Variants in KCNA1 observed in about 807,000 individuals in gnomAD.
KCNA1 encodes potassium voltage-gated channel subfamily A member 1.
Under a neutral mutation model 28.8 loss-of-function variants are expected in KCNA1, and 19 were observed. The ratio of observed to expected loss-of-function variants is 0.66; its 90% CI spans 0.46 to 0.97. The LOEUF (loss-of-function observed/expected upper bound fraction) is 0.97. Among genes scored for constraint, KCNA1 ranks in the 50% least tolerant of loss-of-function variants. The pLI is 0.00. For missense variants in KCNA1, 419 were observed against 659.7 expected (o/e 0.64, Z 4.00); for synonymous variants, 311 against 268.8 (o/e 1.16, Z -1.53).
chr12:4,912,614 C>T lies in KCNA1; in HGVS notation c.1236C>T (p.Asn412=). ...LPVPVIVSNF[N]YFYHRETEGE... ...TACCTGTCATTGTGTCCAATTTCAA[C>T]TATTTCTACCACCGAGAAACTGAGG... The change falls in exon 2 of 2, where the codon AAC becomes AAT. Residue 412 remains asparagine, a synonymous_variant. Transcript: ENST00000382545. 6.2e-7 allele frequency: 1 copy of T among 1,610,910 alleles called. No homozygotes were observed. The highest frequency in any genetic ancestry group is 8.5e-7 in the Non-Finnish European group (1 of 1,179,120).
Position 4,911,850 on chromosome 12 carries a change from G to A in KCNA1, c.472G>A (p.Glu158Lys). ...CCAGCGCCAGGTGTGGCTGCTCTTC[G>A]AGTACCCCGAGAGCTCGGGGCCCGC... ...EYQRQVWLLF[E>K]YPESSGPARV... The change falls in exon 2 of 2, where the codon GAG (glutamate) becomes AAG (lysine). Residue 158 changes from glutamate (E) to lysine (K), a missense_variant. Transcript: ENST00000382545. This position sits in a 1 kb window ranked among gnomAD's most constrained non-coding sequence, Gnocchi z 6.6. The A allele has an allele frequency of 6.2e-7, 1 of 1,613,858 alleles. No homozygotes were observed. Among genetic ancestry groups the A allele is most frequent in the Non-Finnish European group, 8.5e-7 (1 of 1,179,932 alleles).
In KCNA1 at chr12:4,913,541, T is replaced by A. The variant is rs1207394708; in HGVS notation, c.*675T>A. On this transcript the variant is annotated 3_prime_UTR_variant, in exon 2 of 2. Coordinates refer to ENST00000382545, the MANE Select transcript of KCNA1 (RefSeq NM_000217.3). ...ATTCTCTTTCTAATCCAGATTATTC[T>A]CTAAGAAAAAGTTAACTGAATTAAA... The A allele has an allele frequency of 6.0e-6, 1 of 167,412 alleles. No homozygotes were observed. The highest frequency in any genetic ancestry group is 1.5e-5 in the Non-Finnish European group (1 of 68,358). 10.4% of individuals were successfully genotyped at this position (167,412 alleles called of 1,614,324 possible). A position where few individuals can be genotyped will look rare whatever the true frequency, so the allele number is the denominator to read the frequency against.
In KCNA1 at chr12:4,911,516, G is replaced by C; in HGVS notation, c.138G>C (p.Leu46=). The C allele has an allele frequency of 6.2e-7, 1 of 1,614,192 alleles. No individual in the cohort carries two copies. ...GCGTGGTGATCAACATCTCCGGGCTGCGCTTCGAGACGCAGCTCAAGACCC... is the reference window on the plus strand; with the variant it reads ...GCGTGGTGATCAACATCTCCGGGCTCCGCTTCGAGACGCAGCTCAAGACCC... The part of the protein sequence containing the change: ...CERVVINISG[L]RFETQLKTLA... The change falls in exon 2 of 2, where the codon CTG becomes CTC. Residue 46 remains leucine (L), a synonymous_variant. Transcript: ENST00000382545. The surrounding 1 kb of genome is among the most constrained non-coding windows in gnomAD (Gnocchi z 6.6).
chr12:4,917,099 C>T lies in KCNA1; in HGVS notation c.*4233C>T, dbSNP rs1053841432. ...GTGGTGAGAATTGGTGGGTGGTAAC[C>T]ATCCATAGTATAAAATTGTTAGAAA... On this transcript the variant is annotated 3_prime_UTR_variant, in exon 2 of 2. Transcript: ENST00000382545. 2 of 167,010 alleles carry T rather than the reference C, an allele frequency of 1.2e-5. No individual in the cohort carries two copies. Among genetic ancestry groups the T allele is most frequent in the African/African-American group, 4.8e-5 (2 of 41,438 alleles). 10.3% of individuals were successfully genotyped at this position (167,010 alleles called of 1,614,324 possible). A position where few individuals can be genotyped will look rare whatever the true frequency, so the allele number is the denominator to read the frequency against.
In KCNA1 at chr12:4,912,119, G is replaced by T. The variant is rs1486372797; in HGVS notation, c.741G>T (p.Thr247=). Residue 247 remains threonine, a synonymous_variant, in exon 2 of 2, where the codon ACG becomes ACT. Transcript: ENST00000382545. ...GCTTCTTCGCCTGCCCCAGCAAGAC[G>T]GACTTCTTCAAAAACATCATGAACT... is the stretch of plus-strand genomic sequence containing the variant. ...VVRFFACPSK[T]DFFKNIMNFI... 1.9e-6 allele frequency: 3 copies of T among 1,613,828 alleles called. No individual in the cohort carries two copies. The highest frequency in any genetic ancestry group is 3.3e-5 in the Admixed American group (2 of 59,966).
chr12:4,912,199 C>T lies in KCNA1; in HGVS notation c.821C>T (p.Ala274Val), dbSNP rs373047882. 5 of 1,613,042 alleles carry T rather than the reference C, an allele frequency of 3.1e-6. No homozygotes were observed. Among genetic ancestry groups the T allele is most frequent in the Non-Finnish European group, 4.2e-6 (5 of 1,179,740 alleles). The part of the protein sequence containing the change: ...PYFITLGTEI[A>V]EQEGNQKGEQ... The stretch of plus-strand genomic sequence containing the variant: ...TTCATCACGCTGGGCACCGAGATAG[C>T]TGAGCAGGAAGGAAACCAGAAGGGC... Residue 274 changes from alanine to valine, a missense_variant, in exon 2 of 2, where the codon GCT (alanine) becomes GTT (valine). Physicochemically the swap from Ala to Val is moderately conservative, Grantham distance 64 (BLOSUM62 0). Around this residue, in one of 4 missense-constraint regions of KCNA1, gnomAD observed 217 missense variants for 329.6 expected, o/e 0.66. Transcript: ENST00000382545.
chr12:4,911,277 C>T lies in KCNA1; in HGVS notation c.-102C>T, dbSNP rs537723793. On this transcript the variant is annotated 5_prime_UTR_variant, in exon 2 of 2. Coordinates refer to ENST00000382545, the MANE Select transcript of KCNA1 (RefSeq NM_000217.3). This position sits in a 1 kb window ranked among gnomAD's most constrained non-coding sequence, Gnocchi z 6.6. ...CCCCTGGGCGTGAGGGAGACGCGCG[C>T]TCCGGTGGGGGGGCCGCTTGGGTCC... is the stretch of plus-strand genomic sequence containing the variant. The T allele has an allele frequency of 8.1e-5, 70 of 863,146 alleles. No individual in the cohort carries two copies. The highest frequency in any genetic ancestry group is 1.2e-4 in the Non-Finnish European group (65 of 552,728). The allele number at this position is 863,146 out of a possible 1,614,324, so 53.5% of individuals were successfully genotyped here. A position where few individuals can be genotyped will look rare whatever the true frequency, so the allele number is the denominator to read the frequency against.
At position 4,916,608 on chromosome 12, in the gene KCNA1, G is replaced by C. The variant is rs888904400; in HGVS notation, c.*3742G>C. 6.0e-6 allele frequency: 1 copy of C among 167,040 alleles called. No homozygotes were observed. Among genetic ancestry groups the C allele is most frequent in the Non-Finnish European group, 1.5e-5 (1 of 68,114 alleles). 10.3% of individuals were successfully genotyped at this position (167,040 alleles called of 1,614,324 possible). A position where few individuals can be genotyped will look rare whatever the true frequency, so the allele number is the denominator to read the frequency against. On this transcript the variant is annotated 3_prime_UTR_variant, in exon 2 of 2. Coordinates refer to ENST00000382545, the MANE Select transcript of KCNA1 (RefSeq NM_000217.3). ...ATATCAGCTCATTGGGAGTGTGTTC[G>C]TGGGTGAGCCTTGCAGAATCAGATA...
Position 4,912,086 on chromosome 12 carries a change from G to A in KCNA1, c.708G>A (p.Leu236=), listed in dbSNP as rs1337655462. 6.2e-7 allele frequency: 1 copy of A among 1,613,980 alleles called. No individual in the cohort carries two copies. Among genetic ancestry groups the A allele is most frequent in the Non-Finnish European group, 8.5e-7 (1 of 1,180,018 alleles). ...TLCIIWFSFE[L]VVRFFACPSK... ...GTATCATCTGGTTCTCCTTCGAGCT[G>A]GTGGTGCGCTTCTTCGCCTGCCCCA... The change falls in exon 2 of 2, where the codon CTG becomes CTA. Residue 236 remains leucine (L), a synonymous_variant. Transcript: ENST00000382545.
In KCNA1 at chr12:4,914,408, A is replaced by G. The variant is rs1186889579; in HGVS notation, c.*1542A>G. ...TTTCTCTATTATATGCATCCGAAGC[A>G]GAGCTGATTTTTTTTTCTTTGCAGT... On this transcript the variant is annotated 3_prime_UTR_variant, in exon 2 of 2. Coordinates refer to ENST00000382545, the MANE Select transcript of KCNA1 (RefSeq NM_000217.3). 1 of 166,980 alleles carries G rather than the reference A, an allele frequency of 6.0e-6. No homozygotes were observed. The highest frequency in any genetic ancestry group is 2.4e-5 in the African/African-American group (1 of 41,474). 10.3% of individuals were successfully genotyped at this position (166,980 alleles called of 1,614,324 possible).
rs779002153 is a variant in KCNA1, at chr12:4,913,858, G to A, written c.*992G>A. ...CCTTTTTCATTTGCATTCACCAAAAGTGCACTCCTCCATTTATTAACTATT... is the reference window on the plus strand; with the variant it reads ...CCTTTTTCATTTGCATTCACCAAAAATGCACTCCTCCATTTATTAACTATT... On this transcript the variant is annotated 3_prime_UTR_variant, in exon 2 of 2. Transcript: ENST00000382545. The A allele has an allele frequency of 6.0e-6, 1 of 166,776 alleles. No individual in the cohort carries two copies. The highest frequency in any genetic ancestry group is 1.5e-5 in the Non-Finnish European group (1 of 68,102). The allele number at this position is 166,776 out of a possible 1,614,324, so 10.3% of individuals were successfully genotyped here.
In KCNA1 at chr12:4,912,770, C is replaced by T. The variant is rs1234938311; in HGVS notation, c.1392C>T (p.Ser464=). 1 of 1,613,904 alleles carries T rather than the reference C, an allele frequency of 6.2e-7. No individual in the cohort carries two copies. The highest frequency in any genetic ancestry group is 2.2e-5 in the East Asian group (1 of 44,886). ...AGATCGAAGAGGATATGAATAATAGCATAGCCCATTATAGACAGGTCAATA... is the reference window on the plus strand; with the variant it reads ...AGATCGAAGAGGATATGAATAATAGTATAGCCCATTATAGACAGGTCAATA... ...YMEIEEDMNN[S]IAHYRQVNIR... The change falls in exon 2 of 2, where the codon AGC becomes AGT. Residue 464 remains serine, a synonymous_variant. Transcript: ENST00000382545.
rs1452167418 is a variant in KCNA1, at chr12:4,913,259, T to C, written c.*393T>C. On this transcript the variant is annotated 3_prime_UTR_variant, in exon 2 of 2. Transcript: ENST00000382545. ...AGAACAAGATGATCACTTAGAAATA[T>C]GAAATTGAAATTCGCATGGGACTCC... is the stretch of plus-strand genomic sequence containing the variant. The C allele has an allele frequency of 7.2e-6, 2 of 276,962 alleles. No individual in the cohort carries two copies. The highest frequency in any genetic ancestry group is 1.5e-5 in the Non-Finnish European group (2 of 135,828). 17.2% of individuals were successfully genotyped at this position (276,962 alleles called of 1,614,324 possible). A position where few individuals can be genotyped will look rare whatever the true frequency, so the allele number is the denominator to read the frequency against.
At position 4,912,666 on chromosome 12, in the gene KCNA1, G is replaced by T; in HGVS notation, c.1288G>T (p.Val430Phe). The change falls in exon 2 of 2, where the codon GTC becomes TTC. Residue 430 changes from valine (V) to phenylalanine (F), a missense_variant. By Grantham distance (50) the Val-to-Phe change is conservative. This residue lies in a region of KCNA1 where 81 missense variants were observed against 86.5 expected (regional missense o/e 0.94). Transcript: ENST00000382545. ...GGAAGAGCAGGCTCAGTTGCTCCAC[G>T]TCAGTTCCCCTAACTTAGCCTCTGA... ...EGEEQAQLLHVSSPNLASDSD... is the reference protein window; with the variant it reads ...EGEEQAQLLHFSSPNLASDSD... 6.2e-7 allele frequency: 1 copy of T among 1,611,310 alleles called. No individual in the cohort carries two copies. The highest frequency in any genetic ancestry group is 8.5e-7 in the Non-Finnish European group (1 of 1,179,684).
rs1259409719 is a variant in KCNA1, at chr12:4,912,721, C to G, written c.1343C>G (p.Thr448Ser). 6.2e-7 allele frequency: 1 copy of G among 1,613,470 alleles called. No homozygotes were observed. Among genetic ancestry groups the G allele is most frequent in the Non-Finnish European group, 8.5e-7 (1 of 1,180,006 alleles). The change falls in exon 2 of 2, where the codon ACT becomes AGT. Residue 448 changes from threonine (T) to serine (S), a missense_variant. Thr to Ser is a moderately conservative substitution (Grantham distance 58). Coordinates refer to ENST00000382545, the MANE Select transcript of KCNA1 (RefSeq NM_000217.3). ...DSDLSRRSSS[T>S]MSKSEYMEIE... The stretch of plus-strand genomic sequence containing the variant: ...GACCTCAGTCGCCGCAGTTCCTCTA[C>G]TATGAGCAAGTCTGAGTACATGGAG...
Position 4,914,828 on chromosome 12 carries a change from C to T in KCNA1, c.*1962C>T, listed in dbSNP as rs535731106. On this transcript the variant is annotated 3_prime_UTR_variant, in exon 2 of 2. Coordinates refer to ENST00000382545, the MANE Select transcript of KCNA1 (RefSeq NM_000217.3). ...TGAACTTGTTTTTTCCTCTCTCCACCAAAGCCAAGATAAACTTTTTGGGAA... is the reference window on the plus strand; with the variant it reads ...TGAACTTGTTTTTTCCTCTCTCCACTAAAGCCAAGATAAACTTTTTGGGAA... 6.0e-6 allele frequency: 1 copy of T among 167,268 alleles called. No homozygotes were observed. The highest frequency in any genetic ancestry group is 1.9e-4 in the East Asian group (1 of 5,172). The allele number at this position is 167,268 out of a possible 1,614,324, so 10.4% of individuals were successfully genotyped here. A position where few individuals can be genotyped will look rare whatever the true frequency, so the allele number is the denominator to read the frequency against.
At position 4,912,112 on chromosome 12, in the gene KCNA1, G is replaced by A. The variant is rs1947356123; in HGVS notation, c.734G>A (p.Ser245Asn). 1 of 1,614,032 alleles carries A rather than the reference G, an allele frequency of 6.2e-7. No homozygotes were observed. Among genetic ancestry groups the A allele is most frequent in the Non-Finnish European group, 8.5e-7 (1 of 1,180,028 alleles). The change falls in exon 2 of 2, where the codon AGC becomes AAC. Residue 245 changes from serine to asparagine, a missense_variant. Transcript: ENST00000382545. ...ELVVRFFACPSKTDFFKNIMN... is the reference protein window; with the variant it reads ...ELVVRFFACPNKTDFFKNIMN... ...GTGGTGCGCTTCTTCGCCTGCCCCA[G>A]CAAGACGGACTTCTTCAAAAACATC...
Position 4,911,606 on chromosome 12 carries a change from G to T in KCNA1, c.228G>T (p.Leu76=), listed in dbSNP as rs1402659552. 6.2e-7 allele frequency: 1 copy of T among 1,614,048 alleles called. No homozygotes were observed. The change falls in exon 2 of 2, where the codon CTG becomes CTT. Residue 76 remains leucine, a synonymous_variant. Transcript: ENST00000382545. The surrounding 1 kb of genome is among the most constrained non-coding windows in gnomAD (Gnocchi z 6.6). ...AACGCATGCGCTACTTCGACCCCCT[G>T]AGGAACGAGTACTTCTTCGACCGCA... ...PKKRMRYFDP[L]RNEYFFDRNR... is the part of the protein sequence containing the mutation.
rs397724146 is a variant in KCNA1, at chr12:4,915,137, G to GC, written c.*2278dup. The GC allele has an allele frequency of 1.1e-3, 177 of 167,012 alleles. 3 individuals carry two copies. The South Asian group carries it at 0.019, about 18-fold the overall frequency. 10.3% of individuals were successfully genotyped at this position (167,012 alleles called of 1,614,324 possible). ...ACAGGTTGAACATCTAACTTCTGCTGCCCCCCCGTTACCCAGCCCAGAGAA... is the reference window on the plus strand; with the variant it reads ...ACAGGTTGAACATCTAACTTCTGCTGCCCCCCCCGTTACCCAGCCCAGAGAA... On this transcript the variant is annotated 3_prime_UTR_variant, in exon 2 of 2. Coordinates refer to ENST00000382545, the MANE Select transcript of KCNA1 (RefSeq NM_000217.3).
Sources: allele counts gnomAD v4.1 joint callset, GRCh38; gene constraint gnomAD v4.1.1; regional missense constraint gnomAD v4.1.1; non-coding constraint Gnocchi (gnomAD v3.1); transcripts MANE v1.5; gene names NCBI Gene and HGNC (gene_info 2026-07-23, HGNC 2026-07-21).